The following DSE variants were observed in gnomAD, a reference collection of about 807,000 sequenced individuals.
The protein encoded by DSE is dermatan sulfate epimerase.
DSE carries 36 observed loss-of-function variants against 84.4 expected under a neutral mutation model. The observed-to-expected ratio is 0.43, with a 90% CI of 0.33 to 0.56. The LOEUF is 0.56. DSE is among the 20% of genes least tolerant of loss of function. The pLI is 0.06. For synonymous variants in DSE, 410 were observed against 430.1 expected (o/e 0.95, Z 0.58); for missense variants, 862 against 1,169.6 (o/e 0.74, Z 3.84).
chr6:116,378,787 A>G (rs772212536), intron 1 of DSE, among the ~76,000 whole-genome samples: 10 of 152,086 alleles, frequency 6.6e-5, no homozygotes, highest in Admixed American at 1.3e-4. Flanking sequence ...TTTATTCTAG[A>G]TAACCTTGTT....
intron 1 of DSE, among the ~76,000 whole-genome samples, chr6:116,389,356 G>C (rs1021620097): frequency 2.0e-5 from 3 of 152,022 alleles, no homozygotes; most frequent in African/African-American, 7.3e-5. Flanking sequence ...ATAGTGTTTT[G>C]AGGTGAATGA....
chr6:116,328,870 A>AGGG (rs540090923), intron 2 of DSE, among the ~76,000 whole-genome samples: 1,922 of 152,294 alleles, frequency 0.013, 46 homozygotes, highest in African/African-American at 0.044. Context: ...TAAGGAGAGT[A>AGGG]GTTCACCCCT....
At chr6:116,256,788 TA>T (rs1228576464) in intron 1 of DSE, 1 of 152,202 alleles carries the variant, frequency 6.6e-6, no homozygotes, top group Non-Finnish European at 1.5e-5. Flanking sequence ...TGGGTGGATA[TA>T]TAATAGTAGC....
chr6:116,313,527 T>C (rs1775808827), intron 2 of DSE, among the ~76,000 whole-genome samples: 1 of 152,236 alleles, frequency 6.6e-6, no homozygotes. Context: ...TACCTATAAA[T>C]GCAAGCATCA....
intron 2 of DSE, among the ~76,000 whole-genome samples, chr6:116,333,439 G>A (rs538904919): frequency 6.6e-6 from 1 of 152,294 alleles, no homozygotes; most frequent in Admixed American, 6.5e-5. Context: ...ACTCACTTCT[G>A]TGATAATGAC....
chr6:116,395,229 T>C (rs971486392), intron 1 of DSE, among the ~76,000 whole-genome samples: 2 of 151,314 alleles, frequency 1.3e-5, no homozygotes, highest in Non-Finnish European at 2.9e-5. Flanking sequence ...AGCGAGACCA[T>C]CCTGGCTAAC....
At chr6:116,341,593 C>T (rs1777597632) in intron 2 of DSE, among the ~76,000 whole-genome samples, 1 of 152,144 alleles carries the variant, frequency 6.6e-6, no homozygotes, top group Non-Finnish European at 1.5e-5. Flanking sequence ...ATGGTATTGC[C>T]TAGGTTTTCT....
At chr6:116,256,290 A>G (rs894709832) in intron 1 of DSE, 4 of 152,260 alleles carry the variant, frequency 2.6e-5, no homozygotes, top group African/African-American at 7.2e-5. Flanking sequence ...CATACAGTAC[A>G]TCTATCAAAC....
chr6:116,374,985 T>G (rs1329032135), intron 1 of DSE, among the ~76,000 whole-genome samples: 1 of 152,238 alleles, frequency 6.6e-6, no homozygotes, highest in Non-Finnish European at 1.5e-5. Context: ...TTATGTTATC[T>G]TCCCCTATAG....
At chr6:116,379,257 G>T (rs1013876174) in intron 1 of DSE, among the ~76,000 whole-genome samples, 2 of 152,230 alleles carry the variant, frequency 1.3e-5, no homozygotes, top group Non-Finnish European at 2.9e-5. Flanking sequence ...AAGAAATGGA[G>T]CTCAGCAAAG....
At chr6:116,292,356 T>C (rs1029393479) in intron 2 of DSE, among the ~76,000 whole-genome samples, 1 of 152,116 alleles carries the variant, frequency 6.6e-6, no homozygotes, top group Non-Finnish European at 1.5e-5. Context: ...GCAGCCATAT[T>C]GAGTGAGATG....
At chr6:116,287,295 A>G (rs1773972690) in intron 2 of DSE, among the ~76,000 whole-genome samples, 1 of 152,130 alleles carries the variant, frequency 6.6e-6, no homozygotes, top group African/African-American at 2.4e-5. Flanking sequence ...AAATTTTGTG[A>G]ATATGAAGTT....
At chr6:116,405,299 G>C (rs951767825) in intron 2 of DSE, among the ~76,000 whole-genome samples, 3 of 152,110 alleles carry the variant, frequency 2.0e-5, no homozygotes, top group Non-Finnish European at 2.9e-5. Context: ...GAATGTAGCT[G>C]GGCCTCAAAC....
intron 2 of DSE, among the ~76,000 whole-genome samples, chr6:116,409,622 T>C (rs1451014257): frequency 3.3e-5 from 5 of 152,200 alleles, no homozygotes; most frequent in African/African-American, 1.2e-4. Context: ...GGTATTTTAT[T>C]AGGCATTGGA....
chr6:116,399,149 C>G, intron 1 of DSE, 49 bp from the exon 2 acceptor site: 1 of 1,494,762 alleles, frequency 6.7e-7, no homozygotes, highest in Non-Finnish European at 9.1e-7. Context: ...ACACCTGTGC[C>G]ATGTTCCCTT....
chr6:116,372,254 G>A (rs1779639710), intron 1 of DSE, among the ~76,000 whole-genome samples: 1 of 152,186 alleles, frequency 6.6e-6, no homozygotes, highest in Non-Finnish European at 1.5e-5. Context: ...GGATCACGAG[G>A]TCAGGAGATC....
chr6:116,282,181 C>T (rs1357187182), intron 2 of DSE, among the ~76,000 whole-genome samples: 6 of 152,298 alleles, frequency 3.9e-5, no homozygotes, highest in Admixed American at 2.6e-4. Context: ...GCATTTCTCT[C>T]TACAAGTGAT....
intron 2 of DSE, among the ~76,000 whole-genome samples, chr6:116,342,816 A>C (rs943456710): frequency 6.6e-6 from 1 of 152,188 alleles, no homozygotes; most frequent in African/African-American, 2.4e-5. Context: ...CTTGTTGGAC[A>C]GTGGATGCAG....
At chr6:116,310,565 A>C (rs1206198014) in intron 2 of DSE, among the ~76,000 whole-genome samples, 1 of 152,084 alleles carries the variant, frequency 6.6e-6, no homozygotes, top group Non-Finnish European at 1.5e-5. Context: ...GTTCAGGAAA[A>C]AAACCAAGGA....
Sources: gnomAD v4.1 joint callset for allele counts (sites outside exome capture counted in the v4.1 genomes callset) on GRCh38, gnomAD v4.1.1 for gene constraint, MANE v1.5 for transcripts, NCBI Gene and HGNC (gene_info 2026-07-23, HGNC 2026-07-21) for gene names.